The following ZNF891 variants were observed in gnomAD, a reference collection of about 807,000 sequenced individuals.
ZNF891 encodes the protein hCG1646157.
For missense variants in ZNF891, 589 were observed against 632.7 expected (o/e 0.93, Z 0.74); for synonymous variants, 199 against 209.0 (o/e 0.95, Z 0.41).
At chr12:133,127,224 C>T (rs1256494671) in intron 1 of ZNF891, among the ~76,000 whole-genome samples, 1 of 151,974 alleles carries the variant, frequency 6.6e-6, no homozygotes, top group Admixed American at 6.6e-5. Context: ...CTCGGCCTCC[C>T]AAAATGTTGG....
At position 133,108,242 on chromosome 12, in the gene ZNF891, A is replaced by G. The variant is rs180672254; in HGVS notation, c.*12042T>C. 6.8e-6 allele frequency: 1 copy of G among 147,860 alleles called. No homozygotes were observed. Among genetic ancestry groups the G allele is most frequent in the African/African-American group, 2.7e-5 (1 of 37,704 alleles). The allele number at this position is 147,860 out of a possible 1,614,324, so 9.2% of individuals were successfully genotyped here. A position where few individuals can be genotyped will look rare whatever the true frequency, so the allele number is the denominator to read the frequency against. On this transcript the variant is annotated 3_prime_UTR_variant, in exon 2 of 2. Transcript: ENST00000537226. ...ATGCCTTATTACATATGGGTATTTA[A>G]TATCTGATTTGGTGTCCTCAAGCAG...
Position 133,120,413 on chromosome 12 carries a change from G to C in ZNF891, c.1506C>G (p.Ser502=). 1 of 1,601,632 alleles carries C rather than the reference G, an allele frequency of 6.2e-7. No homozygotes were observed. ...ECRKAFSVSS[S]LRRHVRIHTG... Reference sequence around the variant, plus strand: ...TGTGAATTCTCACATGCCTCCTAAGGGAAGAGGAAACACTGAAGGCTTTCC... The same window carrying C: ...TGTGAATTCTCACATGCCTCCTAAGCGAAGAGGAAACACTGAAGGCTTTCC... Residue 502 remains serine, a synonymous_variant, in exon 2 of 2, where the codon TCC becomes TCG. Coordinates refer to ENST00000537226, the MANE Select transcript of ZNF891 (RefSeq NM_001277291.2).
chr12:133,130,022 T>TCC lies in ZNF891; in HGVS notation c.-107+203_-107+204dup, dbSNP rs545645314. Among the ~76,000 whole-genome samples the TCC allele has an allele frequency of 7.9e-5, 12 of 151,294 alleles. No individual in the cohort carries two copies. The East Asian group carries it at 2.0e-3, about 25-fold the overall frequency. ...ACCCCTCCGCCCCGCGCGCCCCTGG[T>TCC]CCCCACTCGCTCCCCGCGCTCCACT... On this transcript the variant is annotated intron_variant, in intron 1 of 1. Transcript: ENST00000537226.
At position 133,108,122 on chromosome 12, in the gene ZNF891, T is replaced by C. The variant is rs539177016; in HGVS notation, c.*12162A>G. 1 of 152,290 alleles carries C rather than the reference T, an allele frequency of 6.6e-6. No individual in the cohort carries two copies. Among genetic ancestry groups the C allele is most frequent in the East Asian group, 1.9e-4 (1 of 5,176 alleles). The allele number at this position is 152,290 out of a possible 1,614,324, so 9.4% of individuals were successfully genotyped here. A position where few individuals can be genotyped will look rare whatever the true frequency, so the allele number is the denominator to read the frequency against. The stretch of plus-strand genomic sequence containing the variant: ...ATAAGAGTTGTTTCAGAGAGGCTGA[T>C]TTATCTTACAATAGTGTACAGTCTG... On this transcript the variant is annotated 3_prime_UTR_variant, in exon 2 of 2. Coordinates refer to ENST00000537226, the MANE Select transcript of ZNF891 (RefSeq NM_001277291.2).
rs1412461997 is a variant in ZNF891, at chr12:133,112,108, TCTC to T, written c.*8173_*8175del. The T allele has an allele frequency of 2.6e-5, 4 of 152,210 alleles. No homozygotes were observed. The highest frequency in any genetic ancestry group is 5.9e-5 in the Non-Finnish European group (4 of 68,038). The allele number at this position is 152,210 out of a possible 1,614,324, so 9.4% of individuals were successfully genotyped here. A position where few individuals can be genotyped will look rare whatever the true frequency, so the allele number is the denominator to read the frequency against. On this transcript the variant is annotated 3_prime_UTR_variant, in exon 2 of 2. Transcript: ENST00000537226. ...CTTTCAATCTGGTTTCACATACTCTTCTCCTTACCCCTTTGCCTAACAGTTTTC... is the reference window on the plus strand; with the variant it reads ...CTTTCAATCTGGTTTCACATACTCTTCTTACCCCTTTGCCTAACAGTTTTC...
At chr12:133,122,091 G>C in intron 1 of ZNF891, 67 bp from the exon 2 acceptor site, 1 of 1,389,840 alleles carries the variant, frequency 7.2e-7, no homozygotes, top group Non-Finnish European at 9.3e-7. Context: ...TTGGGGAAAG[G>C]TGAATACAAA....
chr12:133,118,598 G>C lies in ZNF891; in HGVS notation c.*1686C>G, dbSNP rs1024172832. On this transcript the variant is annotated 3_prime_UTR_variant, in exon 2 of 2. Transcript: ENST00000537226. The stretch of plus-strand genomic sequence containing the variant: ...TATTTTGTTAGAACTAATCTGGTCA[G>C]TATCTGCAAGATCAAGCAGCAAAAT... 1 of 152,166 alleles carries C rather than the reference G, an allele frequency of 6.6e-6. No individual in the cohort carries two copies. Among genetic ancestry groups the C allele is most frequent in the African/African-American group, 2.4e-5 (1 of 41,442 alleles). 9.4% of individuals were successfully genotyped at this position (152,166 alleles called of 1,614,324 possible).
chr12:133,127,686 AAC>A (rs1328926173), intron 1 of ZNF891, among the ~76,000 whole-genome samples: 2 of 152,178 alleles, frequency 1.3e-5, no homozygotes, highest in African/African-American at 4.8e-5. Flanking sequence ...CAGGAGATTT[AAC>A]ACAGAGGTGA....
At position 133,107,890 on chromosome 12, in the gene ZNF891, A is replaced by C. The variant is rs1955647339; in HGVS notation, c.*12394T>G. ...AATGAATTTAGTGAGCATTAATGTAATGGCTGCATTGAGGGCACATTTGTA... is the reference window on the plus strand; with the variant it reads ...AATGAATTTAGTGAGCATTAATGTACTGGCTGCATTGAGGGCACATTTGTA... On this transcript the variant is annotated 3_prime_UTR_variant, in exon 2 of 2. Transcript: ENST00000537226. 1 of 152,222 alleles carries C rather than the reference A, an allele frequency of 6.6e-6. No individual in the cohort carries two copies. Among genetic ancestry groups the C allele is most frequent in the African/African-American group, 2.4e-5 (1 of 41,454 alleles). The allele number at this position is 152,222 out of a possible 1,614,324, so 9.4% of individuals were successfully genotyped here. A position where few individuals can be genotyped will look rare whatever the true frequency, so the allele number is the denominator to read the frequency against.
At position 133,114,692 on chromosome 12, in the gene ZNF891, A is replaced by G. The variant is rs1194672798; in HGVS notation, c.*5592T>C. On this transcript the variant is annotated 3_prime_UTR_variant, in exon 2 of 2. Transcript: ENST00000537226. ...GGCAATACAGTGTGAAAGTGTGACA[A>G]GTATTGTTAAAGCAGATGAAGGACA... 6.6e-6 allele frequency: 1 copy of G among 152,398 alleles called. No individual in the cohort carries two copies. The highest frequency in any genetic ancestry group is 1.9e-4 in the East Asian group (1 of 5,192). The allele number at this position is 152,398 out of a possible 1,614,324, so 9.4% of individuals were successfully genotyped here. A position where few individuals can be genotyped will look rare whatever the true frequency, so the allele number is the denominator to read the frequency against.
Position 133,112,684 on chromosome 12 carries a change from A to G in ZNF891, c.*7600T>C, listed in dbSNP as rs1456116533. The G allele has an allele frequency of 6.6e-6, 1 of 152,240 alleles. No individual in the cohort carries two copies. The highest frequency in any genetic ancestry group is 2.4e-5 in the African/African-American group (1 of 41,460). The allele number at this position is 152,240 out of a possible 1,614,324, so 9.4% of individuals were successfully genotyped here. ...AGAGAAACTTATTTGTATCCTTCATATTTTGAATTCTGCCTAGAGTAAGAG... is the reference window on the plus strand; with the variant it reads ...AGAGAAACTTATTTGTATCCTTCATGTTTTGAATTCTGCCTAGAGTAAGAG... On this transcript the variant is annotated 3_prime_UTR_variant, in exon 2 of 2. Coordinates refer to ENST00000537226, the MANE Select transcript of ZNF891 (RefSeq NM_001277291.2).
In ZNF891 at chr12:133,120,400, C is replaced by G; in HGVS notation, c.1519G>C (p.Val507Leu). 6.3e-7 allele frequency: 1 copy of G among 1,598,136 alleles called. No homozygotes were observed. The highest frequency in any genetic ancestry group is 2.3e-5 in the East Asian group (1 of 44,168). ...FSVSSSLRRH[V>L]RIHTGEKPYE... ...GGTTTCTCTCCAGTGTGAATTCTCA[C>G]ATGCCTCCTAAGGGAAGAGGAAACA... The change falls in exon 2 of 2, where the codon GTG becomes CTG. Residue 507 changes from valine to leucine, a missense_variant. By Grantham distance (32) the Val-to-Leu change is conservative (BLOSUM62 1). Coordinates refer to ENST00000537226, the MANE Select transcript of ZNF891 (RefSeq NM_001277291.2).
chr12:133,123,199 A>G (rs1043197793), intron 1 of ZNF891, among the ~76,000 whole-genome samples: 4 of 152,206 alleles, frequency 2.6e-5, no homozygotes, highest in African/African-American at 7.2e-5. Context: ...CAGGTAGTCT[A>G]TGTCCCTAAA....
At position 133,120,642 on chromosome 12, in the gene ZNF891, TG is replaced by T; in HGVS notation, c.1276del (p.His426ThrfsTer54). ...GCATTCATAGAGTTTTTCTCCAGTGTGTATTCTCTTGTGCACTATAAGGTAA... is the reference window on the plus strand; with the variant it reads ...GCATTCATAGAGTTTTTCTCCAGTGTTATTCTCTTGTGCACTATAAGGTAA... ...SSYLIVHKRI[H>X]TGEKLYECSE... On this transcript the variant is annotated frameshift_variant, in exon 2 of 2. Transcript: ENST00000537226. LOFTEE classifies it low-confidence loss of function (END_TRUNC). The T allele has an allele frequency of 6.4e-7, 1 of 1,558,674 alleles. No homozygotes were observed. Among genetic ancestry groups the T allele is most frequent in the Non-Finnish European group, 8.7e-7 (1 of 1,152,374 alleles).
chr12:133,129,502 C>CAAAA lies in ZNF891; in HGVS notation c.-107+721_-107+724dup, dbSNP rs35653414. Among the ~76,000 whole-genome samples, 569 of 92,706 alleles carry CAAAA rather than the reference C, an allele frequency of 6.1e-3. 9 individuals are homozygous for CAAAA. Among genetic ancestry groups the CAAAA allele is most frequent in the African/African-American group, 0.022 (548 of 25,392 alleles). 60.8% of individuals were successfully genotyped at this position (92,706 alleles called of 152,430 possible). A position where few individuals can be genotyped will look rare whatever the true frequency, so the allele number is the denominator to read the frequency against. ...GGCAACAAAGAGCGAAACTCTGTCT[C>CAAAA]AAAAAAAAAAAAAAAAAAAATTGAG... On this transcript the variant is annotated intron_variant, in intron 1 of 1. Transcript: ENST00000537226.
At position 133,106,261 on chromosome 12, in the gene ZNF891, G is replaced by T. The variant is rs529439392; in HGVS notation, c.*14023C>A. The T allele has an allele frequency of 1.2e-5, 20 of 1,613,954 alleles. No individual in the cohort carries two copies. In the Admixed American group the frequency reaches 1.5e-4, roughly 12 times the overall value. On this transcript the variant is annotated 3_prime_UTR_variant, in exon 2 of 2. Transcript: ENST00000537226. The stretch of plus-strand genomic sequence containing the variant: ...AGAGCATCCATACAACCAAAACCCC[G>T]TATGAATGTAATGAATGTAGGAAAG...
Position 133,120,266 on chromosome 12 carries a change from A to C in ZNF891, c.*18T>G, listed in dbSNP as rs1388491708. On this transcript the variant is annotated 3_prime_UTR_variant, in exon 2 of 2. Coordinates refer to ENST00000537226, the MANE Select transcript of ZNF891 (RefSeq NM_001277291.2). Reference sequence around the variant, plus strand: ...CCACCTTAAGACAATGAAAACAGCAATTCCACATTCATAACACTTACAGGG... The same window carrying C: ...CCACCTTAAGACAATGAAAACAGCACTTCCACATTCATAACACTTACAGGG... The C allele has an allele frequency of 1.3e-6, 2 of 1,505,240 alleles. No individual in the cohort carries two copies. Among genetic ancestry groups the C allele is most frequent in the African/African-American group, 1.4e-5 (1 of 72,010 alleles). The allele number at this position is 1,505,240 out of a possible 1,614,324, so 93.2% of individuals were successfully genotyped here.
rs528167976 is a variant in ZNF891 at position 133,122,386 on chromosome 12, A to G, written c.-106-362T>C. ...TTTTTTAACTTTTGGGGACAGAAAA[A>G]CAAACAATTTCCCTGTGAAACACAC... On this transcript the variant is annotated intron_variant, in intron 1 of 1. Coordinates refer to ENST00000537226, the MANE Select transcript of ZNF891 (RefSeq NM_001277291.2). The G allele has an allele frequency of 1.3e-5, 3 of 224,410 alleles. No individual in the cohort carries two copies. The East Asian group carries it at 5.5e-4, about 41-fold the overall frequency. The allele number at this position is 224,410 out of a possible 1,614,324, so 13.9% of individuals were successfully genotyped here.
rs1955662125 is a variant in ZNF891, at chr12:133,109,173, GA to G, written c.*11110del. ...TCCCTTAGCCAGAGAAAGGCCAAAA[GA>G]CATTCCCGTCAGGGTATTAAGAAAT... On this transcript the variant is annotated 3_prime_UTR_variant, in exon 2 of 2. Coordinates refer to ENST00000537226, the MANE Select transcript of ZNF891 (RefSeq NM_001277291.2). The G allele has an allele frequency of 6.6e-6, 1 of 152,208 alleles. No individual in the cohort carries two copies. Among genetic ancestry groups the G allele is most frequent in the South Asian group, 2.1e-4 (1 of 4,834 alleles). The allele number at this position is 152,208 out of a possible 1,614,324, so 9.4% of individuals were successfully genotyped here. A position where few individuals can be genotyped will look rare whatever the true frequency, so the allele number is the denominator to read the frequency against.
Sources: gnomAD v4.1 joint callset for allele counts (sites outside exome capture counted in the v4.1 genomes callset) on GRCh38, gnomAD v4.1.1 for gene constraint, MANE v1.5 for transcripts, NCBI Gene and HGNC (gene_info 2026-07-23, HGNC 2026-07-21) for gene names.